The following LRP2 variants were observed in gnomAD, a reference collection of about 807,000 sequenced individuals.
LRP2 encodes LDL receptor related protein 2, also known as low-density lipoprotein receptor-related protein 2.
Under a neutral mutation model 531.0 loss-of-function variants are expected in LRP2, and 172 were observed. The ratio of observed to expected loss-of-function variants is 0.32; its 90% CI spans 0.29 to 0.37. The LOEUF (loss-of-function observed/expected upper bound fraction) is 0.37. Among genes scored for constraint, LRP2 ranks in the 10% least tolerant of loss-of-function variants. The pLI is 1.00. For synonymous variants in LRP2, 1,992 were observed against 2,027.6 expected, an observed-to-expected ratio of 0.98 and a Z score of 0.47; for missense variants, 5,167 against 5,868.3, an observed-to-expected ratio of 0.88 and a Z score of 3.90.
chr2:169,186,288 G>A (rs928095579), intron 49 of LRP2, among the ~76,000 whole-genome samples: 7 of 152,178 alleles, frequency 4.6e-5, no homozygotes, highest in African/African-American at 9.7e-5. Context: ...CAGTGTGCTG[G>A]TCAAACAGGA....
rs148943767 is a variant in LRP2, at chr2:169,272,980, C to T, written c.2063G>A (p.Arg688His). The change falls in exon 15 of 79, where the codon CGT (arginine) becomes CAT (histidine). Residue 688 changes from arginine to histidine, a missense_variant. Around this residue, in one of 6 missense-constraint regions of LRP2, gnomAD observed 2,811 missense variants for 3,058.0 expected, o/e 0.92. Coordinates refer to ENST00000649046, the MANE Select transcript of LRP2 (RefSeq NM_004525.3). ...TTGGAAGCCGAATGTGCACTTGCAA[C>T]GGAAACCCAAACCATCATTATCTGT... ...HRTDNDGLGF[R>H]CKCTFGFQLD... 126 of 1,613,766 alleles carry T rather than the reference C, an allele frequency of 7.8e-5. No homozygotes were observed. Among genetic ancestry groups the T allele is most frequent in the African/African-American group, 1.3e-4 (10 of 74,992 alleles).
At chr2:169,288,662 G>T (rs1184706861) in intron 9 of LRP2, among the ~76,000 whole-genome samples, 1 of 152,192 alleles carries the variant, frequency 6.6e-6, no homozygotes, top group Non-Finnish European at 1.5e-5. Flanking sequence ...TCAGGCAGCA[G>T]CTATCTACCA....
At chr2:169,199,407 T>C (rs993500290) in intron 44 of LRP2, among the ~76,000 whole-genome samples, 1 of 152,224 alleles carries the variant, frequency 6.6e-6, no homozygotes, top group South Asian at 2.1e-4. Context: ...AAGAGAGAGA[T>C]GCTTATATTA....
At chr2:169,158,061 TACACACACAC>T (rs61381788) in intron 63 of LRP2, among the ~76,000 whole-genome samples, 23 of 141,476 alleles carry the variant, frequency 1.6e-4, no homozygotes, top group South Asian at 4.6e-4. Context: ...ATTGATTATA[TACACACACAC>T]ACACACACAC....
intron 4 of LRP2, among the ~76,000 whole-genome samples, chr2:169,303,514 G>A (rs564901834): frequency 6.6e-6 from 1 of 152,174 alleles, no homozygotes; most frequent in African/African-American, 2.4e-5. Flanking sequence ...AAACAAAGAA[G>A]GAAAACAAAA....
At chr2:169,239,236 T>C (rs1166051086) in intron 26 of LRP2, among the ~76,000 whole-genome samples, 1 of 152,202 alleles carries the variant, frequency 6.6e-6, no homozygotes, top group African/African-American at 2.4e-5. Flanking sequence ...TTAAATATAG[T>C]ATAGAACTCA....
chr2:169,163,687 A>G (rs1686669600), intron 62 of LRP2, among the ~76,000 whole-genome samples: 1 of 152,180 alleles, frequency 6.6e-6, no homozygotes, highest in South Asian at 2.1e-4. Flanking sequence ...AACCAAATAA[A>G]CCAAAATACT....
At chr2:169,281,073 G>C (rs1488020108) in intron 10 of LRP2, among the ~76,000 whole-genome samples, 1 of 152,174 alleles carries the variant, frequency 6.6e-6, no homozygotes, top group African/African-American at 2.4e-5. Context: ...TTGATCAGTA[G>C]AGGACTAGTT....
intron 60 of LRP2, 67 bp from the exon 61 acceptor site, chr2:169,168,743 C>T: frequency 6.4e-7 from 1 of 1,555,406 alleles, no homozygotes; most frequent in Non-Finnish European, 8.8e-7. Flanking sequence ...AAGCTTCCTG[C>T]TATTTCTCCT....
intron 1 of LRP2, among the ~76,000 whole-genome samples, chr2:169,347,153 G>A (rs1345111797): frequency 6.6e-6 from 1 of 152,106 alleles, no homozygotes; most frequent in Non-Finnish European, 1.5e-5. Flanking sequence ...AACATTTACT[G>A]TGCATTACTA....
chr2:169,287,643 GAATAAT>G (rs142159471), intron 9 of LRP2, among the ~76,000 whole-genome samples: 2 of 149,340 alleles, frequency 1.3e-5, no homozygotes, highest in Non-Finnish European at 3.0e-5. Context: ...TTCCGCTGAA[GAATAAT>G]AATAATAATA....
chr2:169,228,451 G>A (rs1689279535), intron 31 of LRP2, among the ~76,000 whole-genome samples: 1 of 152,078 alleles, frequency 6.6e-6, no homozygotes, highest in Non-Finnish European at 1.5e-5. Context: ...CAGTTTTATG[G>A]GGGACTTTAA....
At chr2:169,279,229 GCA>G in intron 12 of LRP2, 141 bp downstream of exon 12, 1 of 679,090 alleles carries the variant, frequency 1.5e-6, no homozygotes, top group South Asian at 1.7e-5. Flanking sequence ...ATAAATAAGG[GCA>G]CAAAATAGAC....
At position 169,212,642 on chromosome 2, in the gene LRP2, C is replaced by A. The variant is rs1380866399; in HGVS notation, c.6041-435G>T. ...CCAGTGACTTGGAAGAAACTGGAGA[C>A]TATTATTCAAAGTGAAGTAACTCAG... On this transcript the variant is annotated intron_variant, in intron 36 of 78. Coordinates refer to ENST00000649046, the MANE Select transcript of LRP2 (RefSeq NM_004525.3). Among the ~76,000 whole-genome samples the A allele has an allele frequency of 2.0e-5, 3 of 151,834 alleles. No homozygotes were observed. In the East Asian group the frequency reaches 5.8e-4, roughly 29 times the overall value.
Position 169,175,322 on chromosome 2 carries a change from G to C in LRP2, c.10639C>G (p.Leu3547Val), listed in dbSNP as rs1420356968. ...DCSDGSDELA[L>V]CPQRFCRLGQ... ...AGTCGGCAGAAGCGCTGCGGGCAAA[G>C]GGCCAGTTCATCAGAGCCATCTGAG... Residue 3547 changes from leucine to valine, a missense_variant, in exon 55 of 79, where the codon CTT (leucine) becomes GTT (valine). Coordinates refer to ENST00000649046, the MANE Select transcript of LRP2 (RefSeq NM_004525.3). 1.9e-6 allele frequency: 3 copies of C among 1,614,082 alleles called. No individual in the cohort carries two copies. In the African/African-American group the frequency reaches 4.0e-5, roughly 22 times the overall value.
Position 169,146,511 on chromosome 2 carries a change from A to AT in LRP2, c.12811+227dup, listed in dbSNP as rs550127178. Among the ~76,000 whole-genome samples, 91 of 151,520 alleles carry AT rather than the reference A, an allele frequency of 6.0e-4. 3 individuals are homozygous for AT. In the South Asian group the frequency reaches 0.018, roughly 29 times the overall value. ...ATTTCAATATCTTCTGCTGAGAAGC[A>AT]TTTTTTTTTAAAGTTGTGTAAAAAG... On this transcript the variant is annotated intron_variant, in intron 69 of 78. Coordinates refer to ENST00000649046, the MANE Select transcript of LRP2 (RefSeq NM_004525.3).
chr2:169,175,440 T>C, intron 54 of LRP2, 51 bp from the exon 55 acceptor site: 1 of 1,548,892 alleles, frequency 6.5e-7, no homozygotes, highest in Non-Finnish European at 8.9e-7. Context: ...GGGGCAACAG[T>C]TATCTGGAGA....
At chr2:169,217,979 T>C (rs1688857086) in intron 34 of LRP2, among the ~76,000 whole-genome samples, 1 of 152,186 alleles carries the variant, frequency 6.6e-6, no homozygotes, top group Admixed American at 6.6e-5. Flanking sequence ...TCCATTCTTT[T>C]AACTTCTACT....
At chr2:169,178,388 G>A (rs1416521695) in intron 52 of LRP2, among the ~76,000 whole-genome samples, 1 of 152,062 alleles carries the variant, frequency 6.6e-6, no homozygotes, top group East Asian at 1.9e-4. Flanking sequence ...TGATATCCTG[G>A]GGTGAACACC....
Sources: allele counts gnomAD v4.1 joint callset (sites outside exome capture counted in the v4.1 genomes callset), GRCh38; gene constraint gnomAD v4.1.1; regional missense constraint gnomAD v4.1.1; transcripts MANE v1.5; gene names NCBI Gene and HGNC (gene_info 2026-07-23, HGNC 2026-07-21).